The following KIAA1217 variants were observed in gnomAD, a reference collection of about 807,000 sequenced individuals.
KIAA1217 encodes the protein KIAA1217.
Under a neutral mutation model 163.9 loss-of-function variants are expected in KIAA1217, and 88 were observed. The observed-to-expected ratio is 0.54, with a 90% CI of 0.45 to 0.64. KIAA1217 has a LOEUF of 0.64. Ranked by LOEUF, KIAA1217 falls within the 30% of genes least tolerant of loss-of-function variation. The probability of loss-of-function intolerance (pLI) is 0.00; values close to 1 mark genes in which losing one functional copy is unlikely to be tolerated. For missense variants in KIAA1217, 2,372 were observed against 2,475.0 expected (o/e 0.96, Z 0.88); for synonymous variants, 903 against 923.1 (o/e 0.98, Z 0.39).
At chr10:23,828,825 C>T (rs1038362536) in intron 1 of KIAA1217, among the ~76,000 whole-genome samples, 7 of 152,140 alleles carry the variant, frequency 4.6e-5, no homozygotes, top group Non-Finnish European at 1.0e-4. Flanking sequence ...GCAACTATGC[C>T]AGGCCATTCT....
At chr10:23,838,789 A>G (rs933123178) in intron 1 of KIAA1217, among the ~76,000 whole-genome samples, 1 of 152,150 alleles carries the variant, frequency 6.6e-6, no homozygotes, top group Non-Finnish European at 1.5e-5. Context: ...TGGACTTTGT[A>G]AGAGATCTTT....
chr10:24,540,507 C>T (rs568242070), intron 17 of KIAA1217, among the ~76,000 whole-genome samples: 10 of 152,256 alleles, frequency 6.6e-5, no homozygotes, highest in Non-Finnish European at 1.3e-4. Context: ...GCTGGGATTA[C>T]AGGTGTGAGC....
At chr10:24,356,975 G>A (rs2049191991) in intron 2 of KIAA1217, among the ~76,000 whole-genome samples, 1 of 152,208 alleles carries the variant, frequency 6.6e-6, no homozygotes. Context: ...AGGAAATTAA[G>A]GGCCAGATAA....
At chr10:24,335,583 A>ATTTT (rs371747293) in intron 2 of KIAA1217, among the ~76,000 whole-genome samples, 4 of 114,640 alleles carry the variant, frequency 3.5e-5, no homozygotes, top group African/African-American at 1.1e-4. Context: ...ATTTTATCTT[A>ATTTT]TTTTATTTAT....
intron 15 of KIAA1217, among the ~76,000 whole-genome samples, 157 bp from the exon 16 acceptor site, chr10:24,532,913 A>G (rs564684804): frequency 6.6e-6 from 1 of 152,302 alleles, no homozygotes; most frequent in African/African-American, 2.4e-5. Context: ...CACAAATACA[A>G]ACTAAATGCA....
intron 2 of KIAA1217, among the ~76,000 whole-genome samples, chr10:24,030,033 A>G (rs1418139878): frequency 1.3e-5 from 2 of 152,214 alleles, no homozygotes; most frequent in Non-Finnish European, 2.9e-5. Flanking sequence ...CCCAGGCTAC[A>G]GAAAGCTAGA....
intron 2 of KIAA1217, among the ~76,000 whole-genome samples, chr10:24,325,181 T>C (rs2044707869): frequency 6.6e-6 from 1 of 152,200 alleles, no homozygotes; most frequent in Non-Finnish European, 1.5e-5. Flanking sequence ...CATGTCCTTG[T>C]TACAAAAGTG....
intron 2 of KIAA1217, among the ~76,000 whole-genome samples, chr10:24,073,049 A>G (rs2061242321): frequency 6.7e-6 from 1 of 149,324 alleles, no homozygotes; most frequent in Admixed American, 6.7e-5. Context: ...ACAGAATGAG[A>G]CTCTGTCTTG....
chr10:24,538,750 T>G (rs2074515989), intron 17 of KIAA1217, among the ~76,000 whole-genome samples: 1 of 147,804 alleles, frequency 6.8e-6, no homozygotes, highest in Non-Finnish European at 1.5e-5. Context: ...TTTTTTTTTT[T>G]GTGAGACCGA....
chr10:24,142,062 AGATTTTTTT>A (rs2064107320), intron 2 of KIAA1217, among the ~76,000 whole-genome samples: 1 of 140,752 alleles, frequency 7.1e-6, no homozygotes, highest in Admixed American at 7.4e-5. Flanking sequence ...AATGTTAATG[AGATTTTTTT>A]GTTTTTTTTT....
At position 24,524,477 on chromosome 10, in the gene KIAA1217, G is replaced by A. The variant is rs369719080; in HGVS notation, c.2611G>A (p.Asp871Asn). ...CTTCCACAGCACAGGTGCCCCTGGC[G>A]ATGCGAAGTCGGAAGTGGTGCCTTT... The part of the protein sequence containing the change: ...QPFHSTGAPG[D>N]AKSEVVPLSG... Residue 871 changes from aspartate (D) to asparagine (N), a missense_variant, in exon 13 of 21, where the codon GAT becomes AAT. Around this residue, in one of 3 missense-constraint regions of KIAA1217, gnomAD observed 1,431 missense variants for 1,470.3 expected, o/e 0.97. Coordinates refer to ENST00000376454, the MANE Select transcript of KIAA1217 (RefSeq NM_019590.5). 6.9e-5 allele frequency: 111 copies of A among 1,614,050 alleles called. No individual in the cohort carries two copies. Among genetic ancestry groups the A allele is most frequent in the Admixed American group, 2.2e-4 (13 of 60,006 alleles).
chr10:24,485,563 C>T (rs924262681), intron 6 of KIAA1217, among the ~76,000 whole-genome samples: 9 of 152,314 alleles, frequency 5.9e-5, no homozygotes, highest in African/African-American at 2.2e-4. Flanking sequence ...TCTCCCGTGC[C>T]CCAGATGTAA....
chr10:24,544,910 G>T, intron 19 of KIAA1217, 71 bp from the exon 20 acceptor site: 1 of 1,535,654 alleles, frequency 6.5e-7, no homozygotes, highest in Non-Finnish European at 8.9e-7. Flanking sequence ...TGCACATCGT[G>T]GGGCAGCCTC....
chr10:23,840,547 A>G (rs903904943), intron 1 of KIAA1217, among the ~76,000 whole-genome samples: 3 of 152,202 alleles, frequency 2.0e-5, no homozygotes, highest in Non-Finnish European at 4.4e-5. Flanking sequence ...TCAACTTAAT[A>G]TGGAAGTCTA....
At chr10:24,016,986 T>A (rs1589238679) in intron 2 of KIAA1217, among the ~76,000 whole-genome samples, 2 of 152,114 alleles carry the variant, frequency 1.3e-5, no homozygotes, top group East Asian at 3.9e-4. Flanking sequence ...TCACAATAAA[T>A]GTTTACTGAA....
At chr10:24,393,808 C>T (rs1405842127) in intron 3 of KIAA1217, among the ~76,000 whole-genome samples, 2 of 152,202 alleles carry the variant, frequency 1.3e-5, no homozygotes, top group Non-Finnish European at 2.9e-5. Flanking sequence ...AAGGAACCCA[C>T]ACAGCTGACA....
At chr10:24,088,260 T>TAC (rs2061780654) in intron 2 of KIAA1217, among the ~76,000 whole-genome samples, 4 of 101,990 alleles carry the variant, frequency 3.9e-5, no homozygotes, top group African/African-American at 1.4e-4. Flanking sequence ...AATATACATA[T>TAC]ATATATATAT....
At chr10:24,087,798 T>C (rs2061751215) in intron 2 of KIAA1217, among the ~76,000 whole-genome samples, 1 of 152,246 alleles carries the variant, frequency 6.6e-6, no homozygotes, top group South Asian at 2.1e-4. Context: ...TTCAGCACTC[T>C]TTCCACACTT....
rs557172200 is a variant in KIAA1217 at position 23,862,688 on chromosome 10, G to A, written c.-320-144537G>A. 2.0e-5 allele frequency among the ~76,000 whole-genome samples: 3 copies of A among 152,176 alleles called. No homozygotes were observed. In the East Asian group the frequency reaches 5.8e-4, roughly 29 times the overall value. On this transcript the variant is annotated intron_variant, in intron 1 of 18. Transcript: ENST00000376462. ...ACTGGAGAACAAAATTCCCAATGAGGAGAGTGGCAGACAAAGAAATCAAAA... is the reference window on the plus strand; with the variant it reads ...ACTGGAGAACAAAATTCCCAATGAGAAGAGTGGCAGACAAAGAAATCAAAA...
Sources: gnomAD v4.1 joint callset for allele counts (sites outside exome capture counted in the v4.1 genomes callset) on GRCh38, gnomAD v4.1.1 for gene constraint, gnomAD v4.1.1 regional missense constraint, MANE v1.5 for transcripts, NCBI Gene and HGNC (gene_info 2026-07-23, HGNC 2026-07-21) for gene names.